The following NFIB variants were observed in gnomAD, a reference collection of about 807,000 sequenced individuals.
NFIB encodes the protein nuclear factor 1 B-type.
In NFIB, 11 loss-of-function variants were observed where a neutral mutation model predicts 61.5. The ratio of observed to expected loss-of-function variants is 0.18; its 90% CI spans 0.11 to 0.30. NFIB has a LOEUF of 0.30. Ranked by LOEUF, NFIB falls within the 10% of genes least tolerant of loss-of-function variation. The pLI is 1.00. For missense variants in NFIB, 471 were observed against 608.9 expected, an observed-to-expected ratio of 0.77 and a Z score of 2.38; for synonymous variants, 260 against 216.5, an observed-to-expected ratio of 1.20 and a Z score of -1.76.
rs539416082 is a variant in NFIB at position 14,321,236 on chromosome 9, CAT to C, written c.109-13718_109-13717del. 2.0e-5 allele frequency among the ~76,000 whole-genome samples: 3 copies of C among 151,544 alleles called. No homozygotes were observed. In the South Asian group the frequency reaches 6.3e-4, roughly 32 times the overall value. On this transcript the variant is annotated intron_variant, in intron 1 of 8. Coordinates refer to the NFIB transcript ENST00000380934. ...AAGGAGAACGAGAGATAGAGACACA[CAT>C]AGGAAGAGGAAAAAAATCGGCAGCA...
At chr9:14,523,546 G>A in the NFIB span, among the ~76,000 whole-genome samples, 1 of 152,118 alleles carries the variant, frequency 6.6e-6, no homozygotes, top group East Asian at 1.9e-4. Context: ...AAGAATTATG[G>A]GGAAATGACT....
At chr9:14,350,878 A>C (rs2061100953) in intron 1 of NFIB, among the ~76,000 whole-genome samples, 1 of 152,140 alleles carries the variant, frequency 6.6e-6, no homozygotes, top group African/African-American at 2.4e-5. Context: ...ATATTGGCAC[A>C]AAGCTGTTTC....
intron 1 of NFIB, among the ~76,000 whole-genome samples, chr9:14,351,677 C>T (rs895073935): frequency 6.6e-6 from 1 of 152,226 alleles, no homozygotes; most frequent in African/African-American, 2.4e-5. Flanking sequence ...GAAAGAGTTT[C>T]TGTCTGATGA....
intron 1 of NFIB, among the ~76,000 whole-genome samples, chr9:14,309,836 A>G (rs1354782698): frequency 6.6e-6 from 1 of 152,208 alleles, no homozygotes; most frequent in East Asian, 1.9e-4. Context: ...TGACTAAAAA[A>G]CACACATATA....
At chr9:14,154,047 G>A (rs998146449) in intron 4 of NFIB, among the ~76,000 whole-genome samples, 12 of 152,088 alleles carry the variant, frequency 7.9e-5, no homozygotes, top group Admixed American at 2.0e-4. Context: ...TATAAGTTAA[G>A]AATGAATGAA....
chr9:14,146,659 G>A (rs777602898), intron 6 of NFIB, 30 bp downstream of exon 6: 5 of 1,612,318 alleles, frequency 3.1e-6, no homozygotes, highest in Non-Finnish European at 2.5e-6. Context: ...TTTTACTCAT[G>A]GTCTCTAGAG....
chr9:14,215,376 G>T (rs1035319941), intron 2 of NFIB, among the ~76,000 whole-genome samples: 1 of 142,982 alleles, frequency 7.0e-6, no homozygotes, highest in Non-Finnish European at 1.5e-5. Flanking sequence ...CATATACTAA[G>T]ACTATGTTAA....
At chr9:14,260,220 G>A (rs772141885) in intron 2 of NFIB, among the ~76,000 whole-genome samples, 1 of 152,148 alleles carries the variant, frequency 6.6e-6, no homozygotes, top group Non-Finnish European at 1.5e-5. Flanking sequence ...GAAAACTGAA[G>A]CTCACTGGAG....
intron 3 of NFIB, among the ~76,000 whole-genome samples, chr9:14,171,655 G>A (rs1341108462): frequency 1.3e-5 from 2 of 152,240 alleles, no homozygotes; most frequent in South Asian, 2.1e-4. Flanking sequence ...TATCTAGATA[G>A]GATTCTGGTG....
intron 2 of NFIB, among the ~76,000 whole-genome samples, chr9:14,220,842 T>TACACCCACACACAC (rs762429739): frequency 8.1e-6 from 1 of 123,020 alleles, no homozygotes; most frequent in South Asian, 2.8e-4. Flanking sequence ...TCAATCTCCC[T>TACACCCACACACAC]ACACACACAC....
the NFIB span, among the ~76,000 whole-genome samples, chr9:14,475,555 T>C: frequency 6.6e-6 from 1 of 152,116 alleles, no homozygotes; most frequent in African/African-American, 2.4e-5. Context: ...ATTGCTCTCC[T>C]CCTTGACCCC....
At chr9:14,447,878 C>T in the NFIB span, among the ~76,000 whole-genome samples, 3 of 151,938 alleles carry the variant, frequency 2.0e-5, no homozygotes, top group African/African-American at 4.8e-5. Context: ...GTTCATTGAT[C>T]GATTTAAGAT....
intron 10 of NFIB, among the ~76,000 whole-genome samples, chr9:14,109,609 G>C (rs2037053253): frequency 6.6e-6 from 1 of 152,010 alleles, no homozygotes; most frequent in Non-Finnish European, 1.5e-5. Flanking sequence ...AATAGCGAAT[G>C]CAATAACTAA....
chr9:14,242,051 T>C (rs930237184), intron 2 of NFIB, among the ~76,000 whole-genome samples: 1 of 152,164 alleles, frequency 6.6e-6, no homozygotes, highest in Non-Finnish European at 1.5e-5. Flanking sequence ...GTTAAGCCTA[T>C]AAGGCAAACC....
intron 1 of NFIB, among the ~76,000 whole-genome samples, chr9:14,379,891 C>T (rs2061465902): frequency 6.6e-6 from 1 of 152,046 alleles, no homozygotes. Context: ...CCATGTTGGC[C>T]AGGCTGGTCT....
At chr9:14,370,678 T>C (rs532932090) in intron 1 of NFIB, among the ~76,000 whole-genome samples, 28 of 152,346 alleles carry the variant, frequency 1.8e-4, no homozygotes, top group African/African-American at 6.5e-4. Flanking sequence ...AAAAATCAGA[T>C]CCCTCCTAAT....
the NFIB span, among the ~76,000 whole-genome samples, chr9:14,509,408 T>C: frequency 6.6e-6 from 1 of 152,226 alleles, no homozygotes; most frequent in Non-Finnish European, 1.5e-5. Context: ...TACCATTCCT[T>C]GCTACTGCTA....
chr9:14,249,616 T>C (rs191146559), intron 2 of NFIB, among the ~76,000 whole-genome samples: 4 of 151,926 alleles, frequency 2.6e-5, no homozygotes, highest in African/African-American at 7.3e-5. Context: ...TCATTGTGCA[T>C]TCACTGACAA....
At chr9:14,294,446 A>T (rs1291556423) in intron 2 of NFIB, among the ~76,000 whole-genome samples, 1 of 152,240 alleles carries the variant, frequency 6.6e-6, no homozygotes, top group Non-Finnish European at 1.5e-5. Flanking sequence ...TTAGAAAGAC[A>T]TCATATCAAA....
Sources: allele counts gnomAD v4.1 joint callset (sites outside exome capture counted in the v4.1 genomes callset), GRCh38; gene constraint gnomAD v4.1.1; transcripts MANE v1.5; gene names NCBI Gene and HGNC (gene_info 2026-07-23, HGNC 2026-07-21).